NPNT: variants seen among roughly 807,000 people sequenced by gnomAD.
The protein encoded by NPNT is preosteoblast EGF-like repeat protein with MAM domain.
In NPNT, 45 loss-of-function variants were observed where a neutral mutation model predicts 68.6. That is an observed-to-expected ratio of 0.66 (90% CI 0.52 to 0.84). NPNT has a LOEUF of 0.84. Ranked by LOEUF, NPNT falls within the 40% of genes least tolerant of loss-of-function variation. The pLI is 0.00. For synonymous variants in NPNT, 233 were observed against 253.3 expected (o/e 0.92, Z 0.76); for missense variants, 672 against 714.8 (o/e 0.94, Z 0.68).
At chr4:105,936,817 C>A (rs1729528418) in intron 3 of NPNT, among the ~76,000 whole-genome samples, 192 bp from the exon 4 acceptor site, 1 of 152,178 alleles carries the variant, frequency 6.6e-6, no homozygotes, top group Non-Finnish European at 1.5e-5. Flanking sequence ...CATGGCGACT[C>A]CTGGTTGCCC....
At chr4:105,907,163 T>C (rs1228934389) in intron 2 of NPNT, among the ~76,000 whole-genome samples, 1 of 152,208 alleles carries the variant, frequency 6.6e-6, no homozygotes, top group South Asian at 2.1e-4. Context: ...GGAAATACTC[T>C]GCATATCAAC....
At chr4:105,897,208 C>T (rs987834995) in intron 1 of NPNT, among the ~76,000 whole-genome samples, 2 of 152,166 alleles carry the variant, frequency 1.3e-5, no homozygotes, top group Non-Finnish European at 2.9e-5. Context: ...AAATTACTTT[C>T]TTTAGGCATT....
rs1399629434 is a variant in NPNT, at chr4:105,971,599, TAAA to T, written c.*2613_*2615del. The T allele has an allele frequency of 6.5e-6, 1 of 152,892 alleles. No individual in the cohort carries two copies. Among genetic ancestry groups the T allele is most frequent in the African/African-American group, 2.4e-5 (1 of 41,456 alleles). 9.5% of individuals were successfully genotyped at this position (152,892 alleles called of 1,614,324 possible). A position where few individuals can be genotyped will look rare whatever the true frequency, so the allele number is the denominator to read the frequency against. ...GTTTATTATTTAATGTTTTCTAAAA[TAAA>T]AAATGTTAGTGGTTTTCCAAATGGC... On this transcript the variant is annotated 3_prime_UTR_variant, in exon 12 of 12. Transcript: ENST00000379987.
chr4:105,925,668 A>G (rs1728626708), intron 2 of NPNT, among the ~76,000 whole-genome samples: 1 of 152,178 alleles, frequency 6.6e-6, no homozygotes, highest in Non-Finnish European at 1.5e-5. Flanking sequence ...TGTTGAGTCC[A>G]TTCCCCTTGG....
Position 105,947,862 on chromosome 4 carries a change from G to A in NPNT, c.1159+5160G>A, listed in dbSNP as rs191943653. Among the ~76,000 whole-genome samples, 38 of 152,036 alleles carry A rather than the reference G, an allele frequency of 2.5e-4. No homozygotes were observed. The East Asian group carries it at 7.2e-3, about 29-fold the overall frequency. On this transcript the variant is annotated intron_variant, in intron 8 of 11. Transcript: ENST00000379987. ...ATCACGGGGGGGTTTCTTTTAACAT[G>A]TTTTGTAATCTAAATCATTTCTCTT...
At position 105,932,710 on chromosome 4, in the gene NPNT, G is replaced by A. The variant is rs758306589; in HGVS notation, c.266-4299G>A. 1.6e-5 allele frequency: 25 copies of A among 1,530,462 alleles called. No individual in the cohort carries two copies. The Admixed American group carries it at 2.0e-4, about 12-fold the overall frequency. 94.8% of individuals were successfully genotyped at this position (1,530,462 alleles called of 1,614,324 possible). On this transcript the variant is annotated intron_variant, in intron 3 of 11. Transcript: ENST00000379987. ...ACAAGTTTGCCTTCAAGGGGTGAGCGTGCATTGTCCCAGGTGGTCTGCTCT... is the reference window on the plus strand; with the variant it reads ...ACAAGTTTGCCTTCAAGGGGTGAGCATGCATTGTCCCAGGTGGTCTGCTCT...
intron 2 of NPNT, among the ~76,000 whole-genome samples, chr4:105,915,739 T>C (rs960168138): frequency 1.8e-4 from 28 of 152,206 alleles, no homozygotes; most frequent in African/African-American, 6.0e-4. Flanking sequence ...TTTGAAGCGC[T>C]TGTGAGACTT....
intron 2 of NPNT, among the ~76,000 whole-genome samples, chr4:105,902,218 A>G (rs1367693417): frequency 6.6e-6 from 1 of 152,238 alleles, no homozygotes; most frequent in African/African-American, 2.4e-5. Flanking sequence ...AGAAAATTAG[A>G]GCTGTTAGAA....
intron 2 of NPNT, chr4:105,912,340 GT>G (rs1727440326): frequency 3.8e-6 from 3 of 796,792 alleles, no homozygotes; most frequent in African/African-American, 1.8e-5. Context: ...CATTAGTTGT[GT>G]TTTTGAATTG....
intron 10 of NPNT, among the ~76,000 whole-genome samples, chr4:105,963,674 C>T (rs2149408903): frequency 6.6e-6 from 1 of 151,506 alleles, no homozygotes; most frequent in South Asian, 2.1e-4. Flanking sequence ...GAACCTTGAT[C>T]TCTGGAGAAC....
chr4:105,959,170 T>TCTTC, intron 10 of NPNT, 44 bp downstream of exon 10: 1 of 1,191,074 alleles, frequency 8.4e-7, no homozygotes, highest in Non-Finnish European at 1.3e-6. Flanking sequence ...CATTTCAATG[T>TCTTC]GATACTATCT....
intron 3 of NPNT, among the ~76,000 whole-genome samples, chr4:105,928,095 C>T (rs4616757): frequency 0.86 from 131,485 of 152,162 alleles, 57,500 homozygotes; most frequent in East Asian, 1. Context: ...ATTATTAGTC[C>T]ATTTTTTATT....
chr4:105,948,253 G>T (rs1025046443), intron 8 of NPNT, among the ~76,000 whole-genome samples: 1 of 152,088 alleles, frequency 6.6e-6, no homozygotes, highest in Non-Finnish European at 1.5e-5. Flanking sequence ...TATGAAAATA[G>T]CATTGAAACA....
At position 105,942,583 on chromosome 4, in the gene NPNT, C is replaced by T; in HGVS notation, c.1040C>T (p.Pro347Leu). 1 of 1,614,012 alleles carries T rather than the reference C, an allele frequency of 6.2e-7. No individual in the cohort carries two copies. The highest frequency in any genetic ancestry group is 8.5e-7 in the Non-Finnish European group (1 of 1,179,982). ...AGAACACCTCTACCACCTACAACCCCAGAAAGGCCAACCACCGGACTGACA... is the reference window on the plus strand; with the variant it reads ...AGAACACCTCTACCACCTACAACCCTAGAAAGGCCAACCACCGGACTGACA... The part of the protein sequence containing the change: ...ELRTPLPPTT[P>L]ERPTTGLTTI... Residue 347 changes from proline (P) to leucine (L), a missense_variant, in exon 8 of 12, where the codon CCA becomes CTA. Pro to Leu is a moderately conservative substitution (Grantham distance 98). Transcript: ENST00000379987.
At chr4:105,914,750 G>A (rs539233096) in intron 2 of NPNT, among the ~76,000 whole-genome samples, 29 of 152,062 alleles carry the variant, frequency 1.9e-4, no homozygotes, top group African/African-American at 6.7e-4. Context: ...TCAGTCAAGT[G>A]AAGAGTATCC....
intron 8 of NPNT, among the ~76,000 whole-genome samples, chr4:105,950,343 G>A (rs1485047951): frequency 1.3e-5 from 2 of 152,038 alleles, no homozygotes; most frequent in Non-Finnish European, 2.9e-5. Flanking sequence ...AAATAACATA[G>A]TTATTTTATG....
At chr4:105,932,007 G>A (rs1729153190) in intron 3 of NPNT, among the ~76,000 whole-genome samples, 1 of 152,090 alleles carries the variant, frequency 6.6e-6, no homozygotes, top group South Asian at 2.1e-4. Context: ...GCTAATAATG[G>A]CAACAGTTAA....
chr4:105,910,814 C>T (rs1727303219), intron 2 of NPNT, among the ~76,000 whole-genome samples: 1 of 151,962 alleles, frequency 6.6e-6, no homozygotes, highest in African/African-American at 2.4e-5. Context: ...AAATATGACC[C>T]AACCTTAAGA....
chr4:105,941,292 G>A (rs1314186621), intron 7 of NPNT, among the ~76,000 whole-genome samples: 2 of 152,102 alleles, frequency 1.3e-5, no homozygotes, highest in African/African-American at 4.8e-5. Context: ...CATGAGCCCA[G>A]TGAGCTCTGA....
Sources: allele counts gnomAD v4.1 joint callset (sites outside exome capture counted in the v4.1 genomes callset), GRCh38; gene constraint gnomAD v4.1.1; transcripts MANE v1.5; gene names NCBI Gene and HGNC (gene_info 2026-07-23, HGNC 2026-07-21).